The following ABHD2 variants were observed in gnomAD, a reference collection of about 807,000 sequenced individuals.
ABHD2 encodes monoacylglycerol lipase ABHD2.
A neutral mutation model predicts 48.1 loss-of-function variants in ABHD2; 20 were observed. The ratio of observed to expected loss-of-function variants is 0.42; its 90% CI spans 0.29 to 0.60. The LOEUF is 0.60. ABHD2 is among the 20% of genes least tolerant of loss of function. ABHD2 has a pLI of 0.24. For synonymous variants in ABHD2, 209 were observed against 214.2 expected, an observed-to-expected ratio of 0.98 and a Z score of 0.21; for missense variants, 405 against 550.9, an observed-to-expected ratio of 0.74 and a Z score of 2.65.
Position 89,196,574 on chromosome 15 carries a change from G to T in ABHD2, c.*1151G>T, listed in dbSNP as rs2051406761. 6.6e-6 allele frequency: 1 copy of T among 152,046 alleles called. No individual in the cohort carries two copies. 9.4% of individuals were successfully genotyped at this position (152,046 alleles called of 1,614,324 possible). Reference sequence around the variant, plus strand: ...AGATATCATCGTTTGCCTTTTGTGTGTGTGTGTCCCTTATTTGATAAAAAG... The same window carrying T: ...AGATATCATCGTTTGCCTTTTGTGTTTGTGTGTCCCTTATTTGATAAAAAG... On this transcript the variant is annotated 3_prime_UTR_variant, in exon 11 of 11. Transcript: ENST00000352732.
chr15:89,190,301 GGAGCA>G (rs761571414), intron 8 of ABHD2, among the ~76,000 whole-genome samples: 6 of 152,300 alleles, frequency 3.9e-5, no homozygotes, highest in Non-Finnish European at 7.3e-5. Flanking sequence ...CTGGGAGCAC[GGAGCA>G]GAGCAGAGCA....
intron 8 of ABHD2, among the ~76,000 whole-genome samples, chr15:89,190,312 GAGCAGAGCTGCGGCCCCTCATTCA>G (rs1011941110): frequency 5.3e-5 from 8 of 152,242 alleles, no homozygotes; most frequent in African/African-American, 1.9e-4. Flanking sequence ...GAGCAGAGCA[GAGCAGAGCTGCGGCCCCTCATTCA>G]TGCTGAGCAC....
At chr15:89,183,415 A>ATATATATATATATG in intron 6 of ABHD2, 1 of 140,384 alleles carries the variant, frequency 7.1e-6, no homozygotes, top group Non-Finnish European at 1.5e-5. Context: ...ATATATATAT[A>ATATATATATATATG]TGAGATGAAT....
chr15:89,157,867 T>C (rs576583832), intron 5 of ABHD2, among the ~76,000 whole-genome samples: 1 of 151,282 alleles, frequency 6.6e-6, no homozygotes, highest in Admixed American at 6.6e-5. Flanking sequence ...AATAAATAAA[T>C]AGGTGAATGT....
chr15:89,156,372 C>T (rs1235552304), intron 5 of ABHD2, among the ~76,000 whole-genome samples: 3 of 151,468 alleles, frequency 2.0e-5, no homozygotes, highest in Admixed American at 6.6e-5. Flanking sequence ...CTGCCCACCT[C>T]GGCCTCCCGA....
chr15:89,135,500 T>G (rs2050293438), intron 3 of ABHD2: 9 of 983,358 alleles, frequency 9.2e-6, no homozygotes, highest in Non-Finnish European at 1.3e-5. Flanking sequence ...ATGTACAGGT[T>G]AAATGCTTTA....
chr15:89,140,529 C>G (rs917152988), intron 3 of ABHD2, among the ~76,000 whole-genome samples: 1 of 152,034 alleles, frequency 6.6e-6, no homozygotes. Flanking sequence ...AATGGAGTTA[C>G]ATATGTACAT....
At chr15:89,133,611 G>A (rs1428760121) in intron 3 of ABHD2, among the ~76,000 whole-genome samples, 1 of 152,180 alleles carries the variant, frequency 6.6e-6, no homozygotes, top group Non-Finnish European at 1.5e-5. Context: ...AAGAGACTGT[G>A]TATCTTTTCA....
In ABHD2 at chr15:89,149,647, T is replaced by C. The variant is rs1191933726; in HGVS notation, c.195-2030T>C. Among the ~76,000 whole-genome samples the C allele has an allele frequency of 3.3e-5, 5 of 152,202 alleles. 1 individual carries two copies. The highest frequency in any genetic ancestry group is 1.2e-4 in the African/African-American group (5 of 41,452). ...TGAGTCTTGAAAGACAAGTAGTAGGTGGCCCAAAGAAACGCTGGGTGTGAA... is the reference window on the plus strand; with the variant it reads ...TGAGTCTTGAAAGACAAGTAGTAGGCGGCCCAAAGAAACGCTGGGTGTGAA... On this transcript the variant is annotated intron_variant, in intron 3 of 10. Coordinates refer to ENST00000352732, the MANE Select transcript of ABHD2 (RefSeq NM_152924.5).
At chr15:89,158,078 AT>A (rs1428661295) in intron 5 of ABHD2, among the ~76,000 whole-genome samples, 1 of 151,950 alleles carries the variant, frequency 6.6e-6, no homozygotes, top group African/African-American at 2.4e-5. Flanking sequence ...CAGGATGGAG[AT>A]TTGGGAGCAC....
rs577332102 is a variant in ABHD2, at chr15:89,113,336, C to T, written c.-106-389C>T. Among the ~76,000 whole-genome samples, 5 of 152,290 alleles carry T rather than the reference C, an allele frequency of 3.3e-5. No individual in the cohort carries two copies. In the East Asian group the frequency reaches 7.7e-4, roughly 24 times the overall value. Reference sequence around the variant, plus strand: ...TATGTTTGGAAGAGAACAAATAAGTCGACTGGCTGTGCTGTCTCGATCTCA... The same window carrying T: ...TATGTTTGGAAGAGAACAAATAAGTTGACTGGCTGTGCTGTCTCGATCTCA... On this transcript the variant is annotated intron_variant, in intron 1 of 10. Transcript: ENST00000352732.
intron 3 of ABHD2, among the ~76,000 whole-genome samples, chr15:89,144,025 T>G (rs1211054512): frequency 6.6e-6 from 1 of 152,196 alleles, no homozygotes; most frequent in Non-Finnish European, 1.5e-5. Context: ...AAATTCCACT[T>G]CTGGGACACA....
At chr15:89,063,149 G>A in the ABHD2 span, among the ~76,000 whole-genome samples, 3 of 151,952 alleles carry the variant, frequency 2.0e-5, no homozygotes, top group Non-Finnish European at 4.4e-5. Context: ...TGTATTTTTA[G>A]TAGAGATGGG....
intron 5 of ABHD2, among the ~76,000 whole-genome samples, chr15:89,169,166 A>T (rs1399811949): frequency 6.6e-6 from 1 of 152,180 alleles, no homozygotes; most frequent in Non-Finnish European, 1.5e-5. Flanking sequence ...TTGAAGCATA[A>T]ATCTCTGGAG....
chr15:89,183,569 A>T (rs1457659532), intron 6 of ABHD2, among the ~76,000 whole-genome samples: 2 of 151,840 alleles, frequency 1.3e-5, no homozygotes, highest in East Asian at 3.9e-4. Flanking sequence ...TAGCCAAAAT[A>T]AACAGTGGAA....
At chr15:89,084,446 C>T (rs1337246906), upstream of ABHD2, among the ~76,000 whole-genome samples, 3 of 152,016 alleles carry the variant, frequency 2.0e-5, no homozygotes, top group Non-Finnish European at 4.4e-5. This position sits in a 1 kb window ranked among gnomAD's most constrained non-coding sequence, Gnocchi z 4.4. Flanking sequence ...ATTACAGGCA[C>T]ACGTCACCAC....
chr15:89,197,655 AAG>A lies in ABHD2; in HGVS notation c.*2236_*2237del, dbSNP rs1442011239. 6.6e-6 allele frequency: 1 copy of A among 152,264 alleles called. No homozygotes were observed. The highest frequency in any genetic ancestry group is 1.5e-5 in the Non-Finnish European group (1 of 68,100). 9.4% of individuals were successfully genotyped at this position (152,264 alleles called of 1,614,324 possible). ...TACCAGCTCCATTCAGAAATTCAGG[AAG>A]AGAAAAGACAGCCCTGTTGTCACAC... On this transcript the variant is annotated 3_prime_UTR_variant, in exon 11 of 11. Coordinates refer to ENST00000352732, the MANE Select transcript of ABHD2 (RefSeq NM_152924.5). The surrounding 1 kb of genome is among the most constrained non-coding windows in gnomAD (Gnocchi z 4.4).
rs188234125 is a variant in ABHD2 at position 89,116,786 on chromosome 15, T to C, written c.194+265T>C. Among the ~76,000 whole-genome samples the C allele has an allele frequency of 6.6e-6, 1 of 152,340 alleles. No individual in the cohort carries two copies. Among genetic ancestry groups the C allele is most frequent in the Non-Finnish European group, 1.5e-5 (1 of 68,030 alleles). On this transcript the variant is annotated intron_variant, in intron 3 of 10. Transcript: ENST00000352732. The surrounding 1 kb of genome is among the most constrained non-coding windows in gnomAD (Gnocchi z 4.6). The stretch of plus-strand genomic sequence containing the variant: ...ACAGGGACTTTGCAGAAAATAGTAG[T>C]CATTTTTAGGCAGATATGGAAAAGT...
rs1029548265 is a variant in ABHD2, at chr15:89,152,524, C to T, written c.370+672C>T. Among the ~76,000 whole-genome samples, 4 of 152,168 alleles carry T rather than the reference C, an allele frequency of 2.6e-5. 1 individual carries two copies. The East Asian group carries it at 7.7e-4, about 29-fold the overall frequency. On this transcript the variant is annotated intron_variant, in intron 4 of 10. Coordinates refer to ENST00000352732, the MANE Select transcript of ABHD2 (RefSeq NM_152924.5). ...GACCATTCTCAGTGCTTCGTGTATACTGTTATCTCATTTAATCCTCAAATA... is the reference window on the plus strand; with the variant it reads ...GACCATTCTCAGTGCTTCGTGTATATTGTTATCTCATTTAATCCTCAAATA...
Sources: allele counts gnomAD v4.1 joint callset (sites outside exome capture counted in the v4.1 genomes callset), GRCh38; gene constraint gnomAD v4.1.1; non-coding constraint Gnocchi (gnomAD v3.1); transcripts MANE v1.5; gene names NCBI Gene and HGNC (gene_info 2026-07-23, HGNC 2026-07-21).